TBC1D4: variants seen among roughly 807,000 people sequenced by gnomAD.
The protein encoded by TBC1D4 is TBC1 domain family member 4, also known as TBC (Tre-2, BUB2, CDC16) domain-containing protein.
A neutral mutation model predicts 142.5 loss-of-function variants in TBC1D4; 121 were observed. The observed-to-expected ratio is 0.85, with a 90% CI of 0.73 to 0.99. TBC1D4 has a LOEUF of 0.99. Ranked by LOEUF, TBC1D4 falls within the 50% of genes least tolerant of loss-of-function variation. The pLI is 0.00. For missense variants in TBC1D4, 1,475 were observed against 1,606.6 expected (o/e 0.92, Z 1.40); for synonymous variants, 630 against 628.2 (o/e 1.00, Z -0.04).
At position 75,338,495 on chromosome 13, in the gene TBC1D4, C is replaced by T. The variant is rs185026333; in HGVS notation, c.1612-1455G>A. Among the ~76,000 whole-genome samples the T allele has an allele frequency of 7.2e-5, 11 of 152,142 alleles. No individual in the cohort carries two copies. In the East Asian group the frequency reaches 1.5e-3, roughly 21 times the overall value. The stretch of plus-strand genomic sequence containing the variant: ...TGGAAGGAAATGAAGGAAAGGAGAG[C>T]GTGATGGAGGCAGAAGCTTAGCTAC... On this transcript the variant is annotated intron_variant, in intron 7 of 20. Coordinates refer to ENST00000377636, the MANE Select transcript of TBC1D4 (RefSeq NM_014832.5).
chr13:75,410,223 A>T (rs1885576732), intron 1 of TBC1D4, among the ~76,000 whole-genome samples: 1 of 152,146 alleles, frequency 6.6e-6, no homozygotes, highest in Non-Finnish European at 1.5e-5. Context: ...TTCCTATATT[A>T]CAGCCATCCC....
chr13:75,462,604 C>T (rs1269416435), intron 1 of TBC1D4, among the ~76,000 whole-genome samples: 3 of 151,794 alleles, frequency 2.0e-5, no homozygotes, highest in African/African-American at 7.3e-5. Context: ...GCCCCCCATC[C>T]CTACACCAAT....
At chr13:75,345,234 A>T (rs1256896284) in intron 5 of TBC1D4, among the ~76,000 whole-genome samples, 1 of 152,182 alleles carries the variant, frequency 6.6e-6, no homozygotes, top group African/African-American at 2.4e-5. Context: ...TTTTTTTCAT[A>T]TGGATGGAAT....
chr13:75,400,731 G>T (rs1042369095), intron 1 of TBC1D4, among the ~76,000 whole-genome samples: 1 of 151,736 alleles, frequency 6.6e-6, no homozygotes. Context: ...CTCCCAAAGT[G>T]CTGGGATTAC....
At chr13:75,411,822 G>A (rs374829492) in intron 1 of TBC1D4, among the ~76,000 whole-genome samples, 2 of 152,090 alleles carry the variant, frequency 1.3e-5, no homozygotes, top group East Asian at 1.9e-4. Context: ...ACAGGAGTGA[G>A]CCACCATGCC....
intron 4 of TBC1D4, among the ~76,000 whole-genome samples, chr13:75,353,051 T>C (rs1166112611): frequency 1.3e-5 from 2 of 152,228 alleles, no homozygotes; most frequent in Admixed American, 1.3e-4. Flanking sequence ...TGAGAGATCC[T>C]AGCATAGGCC....
chr13:75,336,884 G>T (rs1342985298), intron 8 of TBC1D4, 37 bp downstream of exon 8: 1 of 1,612,790 alleles, frequency 6.2e-7, no homozygotes, highest in South Asian at 1.1e-5. Context: ...AGAAAACACA[G>T]ATATGCATAC....
intron 7 of TBC1D4, among the ~76,000 whole-genome samples, chr13:75,340,256 A>C (rs567870): frequency 0.41 from 62,587 of 152,104 alleles, 13,570 homozygotes; most frequent in East Asian, 0.66. Context: ...TTCTGAATAT[A>C]GTGAAATAAA....
intron 1 of TBC1D4, among the ~76,000 whole-genome samples, chr13:75,443,806 G>A (rs192604406): frequency 6.6e-6 from 1 of 152,280 alleles, no homozygotes; most frequent in Admixed American, 6.5e-5. Flanking sequence ...AAAAGCCAAG[G>A]TGAATGTTTA....
At chr13:75,369,436 G>A (rs1883102286) in intron 1 of TBC1D4, among the ~76,000 whole-genome samples, 1 of 152,116 alleles carries the variant, frequency 6.6e-6, no homozygotes, top group Non-Finnish European at 1.5e-5. Context: ...AGGCTGCAGT[G>A]AACAGTGATC....
intron 1 of TBC1D4, among the ~76,000 whole-genome samples, chr13:75,432,712 A>G (rs1886641102): frequency 6.6e-6 from 1 of 152,254 alleles, no homozygotes; most frequent in Non-Finnish European, 1.5e-5. Context: ...CACTTTCTAT[A>G]GCCTCACAAC....
chr13:75,298,199 A>G (rs1474584318), intron 17 of TBC1D4, among the ~76,000 whole-genome samples: 2 of 152,212 alleles, frequency 1.3e-5, no homozygotes, highest in Non-Finnish European at 2.9e-5. Flanking sequence ...ACCTCATTTC[A>G]AGGGAGGAAA....
intron 1 of TBC1D4, among the ~76,000 whole-genome samples, chr13:75,374,887 T>C (rs879401919): frequency 6.6e-6 from 1 of 152,146 alleles, no homozygotes; most frequent in Non-Finnish European, 1.5e-5. Context: ...ACCCACTTCA[T>C]TTAGAACAAA....
At chr13:75,347,435 C>T (rs1289221996) in intron 5 of TBC1D4, among the ~76,000 whole-genome samples, 2 of 152,212 alleles carry the variant, frequency 1.3e-5, no homozygotes, top group East Asian at 1.9e-4. Flanking sequence ...AACTCCTAAA[C>T]AGTTACTGCT....
Position 75,284,643 on chromosome 13 carries a change from C to T in TBC1D4, c.*2149G>A, listed in dbSNP as rs1211870266. ...AAAAGACTCTAACCAAGAGCTGCTT[C>T]TCTCCCGAAAAGTAACAGTATACGT... On this transcript the variant is annotated 3_prime_UTR_variant, in exon 21 of 21. Transcript: ENST00000377636. 2 of 152,338 alleles carry T rather than the reference C, an allele frequency of 1.3e-5. No homozygotes were observed. Among genetic ancestry groups the T allele is most frequent in the South Asian group, 2.1e-4 (1 of 4,822 alleles). 9.4% of individuals were successfully genotyped at this position (152,338 alleles called of 1,614,324 possible).
intron 18 of TBC1D4, among the ~76,000 whole-genome samples, chr13:75,292,823 C>A (rs138316471): frequency 7.4e-4 from 112 of 152,188 alleles, no homozygotes; most frequent in African/African-American, 2.6e-3. Flanking sequence ...CTAAGCCCTG[C>A]TTTCCTACAA....
chr13:75,386,392 CT>C (rs765348786), intron 1 of TBC1D4, among the ~76,000 whole-genome samples: 132 of 111,460 alleles, frequency 1.2e-3, no homozygotes, highest in Middle Eastern at 8.5e-3. Context: ...TTTTCTTTTT[CT>C]TTTTTTTTTT....
At chr13:75,378,557 T>C (rs1211699369) in intron 1 of TBC1D4, among the ~76,000 whole-genome samples, 1 of 152,130 alleles carries the variant, frequency 6.6e-6, no homozygotes, top group African/African-American at 2.4e-5. Context: ...CCTAGCTCTC[T>C]TTTAGTGTAG....
chr13:75,300,303 G>GT (rs1876396323), intron 16 of TBC1D4, among the ~76,000 whole-genome samples: 1 of 152,092 alleles, frequency 6.6e-6, no homozygotes. Flanking sequence ...AGCTGGCAAT[G>GT]TGAGTCCTGC....
Sources: allele counts gnomAD v4.1 joint callset (sites outside exome capture counted in the v4.1 genomes callset), GRCh38; gene constraint gnomAD v4.1.1; transcripts MANE v1.5; gene names NCBI Gene and HGNC (gene_info 2026-07-23, HGNC 2026-07-21).